PTPRM: variants seen among roughly 807,000 people sequenced by gnomAD.
The protein encoded by PTPRM is protein tyrosine phosphatase receptor type M, also known as receptor-type tyrosine-protein phosphatase mu.
Under a neutral mutation model 186.7 loss-of-function variants are expected in PTPRM, and 47 were observed. The ratio of observed to expected loss-of-function variants is 0.25; its 90% CI spans 0.20 to 0.32. The LOEUF (loss-of-function observed/expected upper bound fraction) is 0.32. PTPRM is among the 10% of genes least tolerant of loss of function. The pLI, the probability that PTPRM is intolerant of heterozygous loss-of-function variation, is 1.00. For missense variants in PTPRM, 1,494 were observed against 1,865.0 expected, an observed-to-expected ratio of 0.80 and a Z score of 3.66; for synonymous variants, 668 against 674.9, an observed-to-expected ratio of 0.99 and a Z score of 0.16.
intron 4 of PTPRM, among the ~76,000 whole-genome samples, chr18:7,918,732 T>C (rs2050699646): frequency 2.0e-5 from 3 of 152,212 alleles, no homozygotes; most frequent in Admixed American, 1.3e-4. Flanking sequence ...GCAAGTATTT[T>C]CTCCCATTCC....
At chr18:8,379,866 T>C (rs901665251) in intron 28 of PTPRM, among the ~76,000 whole-genome samples, 2 of 152,060 alleles carry the variant, frequency 1.3e-5, no homozygotes, top group African/African-American at 4.8e-5. Flanking sequence ...TCTTCAGAGC[T>C]GTAAAAAAAA....
chr18:7,934,196 C>T (rs1410081468), intron 5 of PTPRM, among the ~76,000 whole-genome samples: 1 of 152,140 alleles, frequency 6.6e-6, no homozygotes, highest in Non-Finnish European at 1.5e-5. Flanking sequence ...AAACCTACGC[C>T]ATCCACCTTT....
intron 22 of PTPRM, among the ~76,000 whole-genome samples, chr18:8,331,696 T>C (rs1311316690): frequency 6.6e-6 from 1 of 152,222 alleles, no homozygotes; most frequent in South Asian, 2.1e-4. Flanking sequence ...AATGCTTCCT[T>C]CCAGAAGGAT....
chr18:8,294,679 T>C (rs562079926), intron 19 of PTPRM, among the ~76,000 whole-genome samples: 4 of 152,324 alleles, frequency 2.6e-5, no homozygotes, highest in East Asian at 1.9e-4. Flanking sequence ...CATCTGATCC[T>C]ACCATGTTTT....
intron 1 of PTPRM, among the ~76,000 whole-genome samples, chr18:7,601,364 G>A (rs1238057367): frequency 1.3e-5 from 2 of 152,180 alleles, no homozygotes; most frequent in African/African-American, 2.4e-5. Context: ...GTTTCCTGGG[G>A]CTGCTGTAAC....
At chr18:8,188,935 T>C (rs1009599714) in intron 14 of PTPRM, among the ~76,000 whole-genome samples, 1 of 152,224 alleles carries the variant, frequency 6.6e-6, no homozygotes, top group Non-Finnish European at 1.5e-5. Flanking sequence ...AGTGGCCACA[T>C]TCAACCAGTT....
intron 2 of PTPRM, among the ~76,000 whole-genome samples, chr18:7,796,006 C>T (rs1447715627): frequency 6.6e-6 from 1 of 151,830 alleles, no homozygotes; most frequent in Non-Finnish European, 1.5e-5. Flanking sequence ...GACAGAGTTT[C>T]ACTATTTTGC....
At chr18:8,137,134 C>T (rs192532914) in intron 13 of PTPRM, among the ~76,000 whole-genome samples, 57 of 152,292 alleles carry the variant, frequency 3.7e-4, no homozygotes, top group South Asian at 6.2e-4. Flanking sequence ...TTCTCCCTGT[C>T]GCATCTCTTA....
At chr18:8,290,187 A>G (rs919984070) in intron 19 of PTPRM, among the ~76,000 whole-genome samples, 1 of 152,198 alleles carries the variant, frequency 6.6e-6, no homozygotes, top group Admixed American at 6.5e-5. Flanking sequence ...CAGACTTTGC[A>G]TGCCCCAGTG....
intron 7 of PTPRM, among the ~76,000 whole-genome samples, chr18:8,054,640 ATGCTCT>A (rs2087783682): frequency 6.6e-6 from 1 of 152,022 alleles, no homozygotes; most frequent in Non-Finnish European, 1.5e-5. Flanking sequence ...ACCTGTGTGT[ATGCTCT>A]TGTTGTCGGC....
At chr18:7,943,504 G>A (rs2052327080) in intron 5 of PTPRM, among the ~76,000 whole-genome samples, 1 of 152,146 alleles carries the variant, frequency 6.6e-6, no homozygotes, top group East Asian at 1.9e-4. Flanking sequence ...AGGGCTTTTA[G>A]TTTCTCAGAT....
chr18:7,921,542 A>G (rs1175032365), intron 4 of PTPRM, among the ~76,000 whole-genome samples: 2 of 151,856 alleles, frequency 1.3e-5, no homozygotes, highest in East Asian at 1.9e-4. Context: ...CACCACGCCC[A>G]TCTAATTTTT....
At chr18:8,398,277 C>T (rs1267664314) in intron 32 of PTPRM, among the ~76,000 whole-genome samples, 1 of 152,174 alleles carries the variant, frequency 6.6e-6, no homozygotes, top group Non-Finnish European at 1.5e-5. Flanking sequence ...AGCCACAGTG[C>T]CTGGCCTGGC....
At chr18:7,721,270 C>T (rs184348474) in intron 1 of PTPRM, among the ~76,000 whole-genome samples, 1 of 150,346 alleles carries the variant, frequency 6.7e-6, no homozygotes, top group Non-Finnish European at 1.5e-5. Flanking sequence ...ATTTGTATAT[C>T]TTCTTTGGAG....
intron 14 of PTPRM, among the ~76,000 whole-genome samples, chr18:8,211,226 A>G (rs914205562): frequency 6.6e-6 from 1 of 152,052 alleles, no homozygotes; most frequent in Non-Finnish European, 1.5e-5. Context: ...AATAGAGAGA[A>G]TTGCTAGGGC....
At chr18:7,761,996 A>G (rs1345785242) in intron 1 of PTPRM, among the ~76,000 whole-genome samples, 1 of 152,208 alleles carries the variant, frequency 6.6e-6, no homozygotes, top group Non-Finnish European at 1.5e-5. Flanking sequence ...TACCTTTGTT[A>G]CAAAAAACTT....
intron 20 of PTPRM, among the ~76,000 whole-genome samples, chr18:8,300,737 G>A (rs2095148154): frequency 6.6e-6 from 1 of 152,112 alleles, no homozygotes; most frequent in African/African-American, 2.4e-5. Context: ...CCCTTCCAGT[G>A]CTCTTTTAGT....
intron 7 of PTPRM, among the ~76,000 whole-genome samples, chr18:8,000,975 G>A (rs1004253908): frequency 1.2e-4 from 19 of 152,176 alleles, no homozygotes; most frequent in African/African-American, 4.6e-4. Context: ...ATAAATGGGT[G>A]GAACATTGCA....
intron 1 of PTPRM, among the ~76,000 whole-genome samples, chr18:7,649,303 T>C (rs1568004488): frequency 6.6e-6 from 1 of 152,242 alleles, no homozygotes; most frequent in African/African-American, 2.4e-5. Flanking sequence ...GAGATTAATG[T>C]TGCTTTCATG....
Sources: allele counts gnomAD v4.1 joint callset (sites outside exome capture counted in the v4.1 genomes callset), GRCh38; gene constraint gnomAD v4.1.1; transcripts MANE v1.5; gene names NCBI Gene and HGNC (gene_info 2026-07-23, HGNC 2026-07-21).